The following GPX3 variants were observed in gnomAD, a reference collection of about 807,000 sequenced individuals.
The protein encoded by GPX3 is GPx-3.
GPX3 carries 22 observed loss-of-function variants against 25.1 expected under a neutral mutation model. The observed-to-expected ratio is 0.88, with a 90% CI of 0.63 to 1.25. The LOEUF (loss-of-function observed/expected upper bound fraction) is 1.25. GPX3 is among the 50% of genes most tolerant of loss of function. The pLI is 0.00. For synonymous variants in GPX3, 110 were observed against 114.5 expected (o/e 0.96, Z 0.25); for missense variants, 278 against 286.6 (o/e 0.97, Z 0.22).
chr5:151,025,951 C>T (rs577153526), intron 2 of GPX3, among the ~76,000 whole-genome samples: 1 of 152,282 alleles, frequency 6.6e-6, no homozygotes, highest in African/African-American at 2.4e-5. Context: ...GAGCAGGCTA[C>T]ACTTCTAATG....
At position 151,028,373 on chromosome 5, in the gene GPX3, A is replaced by T. The variant is rs1194090680; in HGVS notation, c.*243A>T. 3 of 535,764 alleles carry T rather than the reference A, an allele frequency of 5.6e-6. No homozygotes were observed. In the Admixed American group the frequency reaches 9.5e-5, roughly 17 times the overall value. The allele number at this position is 535,764 out of a possible 1,614,324, so 33.2% of individuals were successfully genotyped here. A position where few individuals can be genotyped will look rare whatever the true frequency, so the allele number is the denominator to read the frequency against. On this transcript the variant is annotated 3_prime_UTR_variant, in exon 5 of 5. Coordinates refer to ENST00000388825, the MANE Select transcript of GPX3 (RefSeq NM_002084.5). Reference sequence around the variant, plus strand: ...ATTGTGTGTGTGTGCATGGGTGTACAGCCACGTGTCTACCTATGTGTCTTT... The same window carrying T: ...ATTGTGTGTGTGTGCATGGGTGTACTGCCACGTGTCTACCTATGTGTCTTT...
In GPX3 at chr5:151,028,212, C is replaced by T; in HGVS notation, c.*82C>T. The T allele has an allele frequency of 8.1e-7, 1 of 1,230,650 alleles. No homozygotes were observed. Among genetic ancestry groups the T allele is most frequent in the East Asian group, 2.5e-5 (1 of 39,626 alleles). 76.2% of individuals were successfully genotyped at this position (1,230,650 alleles called of 1,614,324 possible). A position where few individuals can be genotyped will look rare whatever the true frequency, so the allele number is the denominator to read the frequency against. On this transcript the variant is annotated 3_prime_UTR_variant, in exon 5 of 5. Coordinates refer to ENST00000388825, the MANE Select transcript of GPX3 (RefSeq NM_002084.5). ...AAATCCGTGTCTCCAACCACACTAT[C>T]TACCCATCACAGACCCCTTTCCTAT...
chr5:151,024,346 T>C (rs535006993), intron 1 of GPX3, among the ~76,000 whole-genome samples: 1 of 152,360 alleles, frequency 6.6e-6, no homozygotes, highest in South Asian at 2.1e-4. Context: ...AGTAGGCTCA[T>C]AGGCCACATC....
chr5:151,022,459 T>C (rs1756491080), intron 1 of GPX3, among the ~76,000 whole-genome samples: 1 of 152,192 alleles, frequency 6.6e-6, no homozygotes, highest in African/African-American at 2.4e-5. Flanking sequence ...AGCCTGGGCA[T>C]GCCCATCTCT....
At chr5:151,023,994 C>CA (rs1756512502) in intron 1 of GPX3, among the ~76,000 whole-genome samples, 1 of 152,230 alleles carries the variant, frequency 6.6e-6, no homozygotes, top group Non-Finnish European at 1.5e-5. Context: ...GCCCTGCCAG[C>CA]ATATATCACT....
In GPX3 at chr5:151,028,166, G is replaced by A; in HGVS notation, c.*36G>A. On this transcript the variant is annotated 3_prime_UTR_variant, in exon 5 of 5. Transcript: ENST00000388825. ...TCTCATCCCATGTCCACCATGTAGGGGAGGGACTTTGTTCAGGAAGAAATC... is the reference window on the plus strand; with the variant it reads ...TCTCATCCCATGTCCACCATGTAGGAGAGGGACTTTGTTCAGGAAGAAATC... 1 of 1,524,464 alleles carries A rather than the reference G, an allele frequency of 6.6e-7. No individual in the cohort carries two copies. Among genetic ancestry groups the A allele is most frequent in the South Asian group, 1.2e-5 (1 of 83,640 alleles). The allele number at this position is 1,524,464 out of a possible 1,614,324, so 94.4% of individuals were successfully genotyped here. A position where few individuals can be genotyped will look rare whatever the true frequency, so the allele number is the denominator to read the frequency against.
chr5:151,028,640 A>C lies in GPX3; in HGVS notation c.*510A>C. The C allele has an allele frequency of 6.3e-6, 1 of 158,618 alleles. No homozygotes were observed. Among genetic ancestry groups the C allele is most frequent in the Non-Finnish European group, 1.4e-5 (1 of 71,700 alleles). The allele number at this position is 158,618 out of a possible 1,614,324, so 9.8% of individuals were successfully genotyped here. On this transcript the variant is annotated 3_prime_UTR_variant, in exon 5 of 5. Coordinates refer to ENST00000388825, the MANE Select transcript of GPX3 (RefSeq NM_002084.5). ...CCCCAGAAGTTTCTGGGTCTACCAC[A>C]CTCCCCAACCCCCCACTCCTACTTC...
At position 151,020,686 on chromosome 5, in the gene GPX3, T is replaced by A; in HGVS notation, c.32T>A (p.Leu11His). Residue 11 changes from leucine (L) to histidine (H), a missense_variant, in exon 1 of 5, where the codon CTT (leucine) becomes CAT (histidine). Transcript: ENST00000388825. ...CGGCTGCTGCAGGCGTCCTGCCTGCTTTCCCTGCTCCTGGCCGGCTTCGTC... is the reference window on the plus strand; with the variant it reads ...CGGCTGCTGCAGGCGTCCTGCCTGCATTCCCTGCTCCTGGCCGGCTTCGTC... MARLLQASCL[L>H]SLLLAGFVSQ... The A allele has an allele frequency of 6.2e-7, 1 of 1,611,664 alleles. No individual in the cohort carries two copies. Among genetic ancestry groups the A allele is most frequent in the Non-Finnish European group, 8.5e-7 (1 of 1,179,306 alleles).
Position 151,025,513 on chromosome 5 carries a change from C to T in GPX3, c.241+20C>T. ...ACATTGGTAAGAGCCCACCCTTCCT[C>T]CCTGCTTTATTTGGGGCTGTATGGC... On this transcript the variant is annotated intron_variant, in intron 2 of 4. Transcript: ENST00000388825. 1.3e-6 allele frequency: 2 copies of T among 1,579,568 alleles called. No homozygotes were observed. The highest frequency in any genetic ancestry group is 1.7e-6 in the Non-Finnish European group (2 of 1,161,808).
intron 1 of GPX3, chr5:151,020,998 T>C (rs1267538233): frequency 4.0e-6 from 2 of 506,096 alleles, no homozygotes; most frequent in Non-Finnish European, 7.1e-6. Flanking sequence ...GAGGAAGGTC[T>C]CTCTCCCCGA....
chr5:151,025,226 G>A (rs917873301), intron 1 of GPX3, 114 bp from the exon 2 acceptor site: 6 of 809,168 alleles, frequency 7.4e-6, no homozygotes, highest in African/African-American at 1.8e-5. Context: ...TCCAATTCTC[G>A]GTGATTACTT....
In GPX3 at chr5:151,028,417, T is replaced by G. The variant is rs535991023; in HGVS notation, c.*287T>G. ...TGTCTTTCTGGGAATGTGTACCATC[T>G]GTGTGCCTGCAGCTGTGTAGTGCTG... On this transcript the variant is annotated 3_prime_UTR_variant, in exon 5 of 5. Transcript: ENST00000388825. 1.5e-4 allele frequency: 67 copies of G among 442,398 alleles called. No individual in the cohort carries two copies. Among genetic ancestry groups the G allele is most frequent in the Non-Finnish European group, 2.5e-4 (60 of 235,952 alleles). The allele number at this position is 442,398 out of a possible 1,614,324, so 27.4% of individuals were successfully genotyped here.
At chr5:151,025,697 T>C (rs550910460) in intron 2 of GPX3, among the ~76,000 whole-genome samples, 1 of 152,336 alleles carries the variant, frequency 6.6e-6, no homozygotes, top group East Asian at 1.9e-4. Context: ...TTCTAGGAGA[T>C]TCCTAGTTAT....
Position 151,020,732 on chromosome 5 carries a change from G to T in GPX3, c.78G>T (p.Glu26Asp). Residue 26 changes from glutamate (E) to aspartate (D), a missense_variant, in exon 1 of 5, where the codon GAG becomes GAT. Transcript: ENST00000388825. The part of the protein sequence containing the change: ...AGFVSQSRGQ[E>D]KSKMDCHGGI... ...TCGTCTCGCAGAGCCGGGGACAAGA[G>T]AAGTCGAAGGTGAGTGAGCCTCCGG... 1 of 1,611,666 alleles carries T rather than the reference G, an allele frequency of 6.2e-7. No individual in the cohort carries two copies. Among genetic ancestry groups the T allele is most frequent in the Non-Finnish European group, 8.5e-7 (1 of 1,179,322 alleles).
chr5:151,027,562 G>A, intron 4 of GPX3, 31 bp downstream of exon 4: 2 of 1,415,058 alleles, frequency 1.4e-6, no homozygotes, highest in Non-Finnish European at 2.0e-6. Flanking sequence ...GCTGGCTGGG[G>A]CTGCAGCCCC....
intron 1 of GPX3, chr5:151,021,064 C>T: frequency 2.8e-6 from 1 of 361,756 alleles, no homozygotes; most frequent in Non-Finnish European, 5.2e-6. Flanking sequence ...ATCTATGTCA[C>T]CTCCGTGCCT....
chr5:151,021,868 G>A (rs1480522313), intron 1 of GPX3: 4 of 152,244 alleles, frequency 2.6e-5, no homozygotes, highest in Admixed American at 6.5e-5. Flanking sequence ...TGCAAGCTCT[G>A]AGCTTTTGTT....
rs1161247735 is a variant in GPX3 at position 151,028,119 on chromosome 5, A to G, written c.670A>G (p.Lys224Glu). The G allele has an allele frequency of 6.4e-7, 1 of 1,570,008 alleles. No individual in the cohort carries two copies. Among genetic ancestry groups the G allele is most frequent in the African/African-American group, 1.4e-5 (1 of 73,774 alleles). ...GAGGCGGCAGGCAGCCCTGGGGGTC[A>G]AGAGGAAGTAACTGAAGGCCGTCTC... ...YMRRQAALGV[K>E]RK The change falls in exon 5 of 5, where the codon AAG (lysine) becomes GAG (glutamate). Residue 224 changes from lysine (K) to glutamate (E), a missense_variant. Transcript: ENST00000388825.
At chr5:151,023,741 G>A (rs2113144292) in intron 1 of GPX3, among the ~76,000 whole-genome samples, 1 of 152,278 alleles carries the variant, frequency 6.6e-6, no homozygotes, top group African/African-American at 2.4e-5. Flanking sequence ...GGCCCTGGCT[G>A]GGAACGAGGA....
Sources: gnomAD v4.1 joint callset for allele counts (sites outside exome capture counted in the v4.1 genomes callset) on GRCh38, gnomAD v4.1.1 for gene constraint, MANE v1.5 for transcripts, NCBI Gene and HGNC (gene_info 2026-07-23, HGNC 2026-07-21) for gene names.